ZNF750: variants seen among roughly 807,000 people sequenced by gnomAD.
ZNF750 encodes zinc finger protein 750, also known as protein ZNF750.
Under a neutral mutation model 31.6 loss-of-function variants are expected in ZNF750, and 10 were observed. The ratio of observed to expected loss-of-function variants is 0.32; its 90% confidence interval spans 0.19 to 0.54. The LOEUF (loss-of-function observed/expected upper bound fraction) is 0.54. ZNF750 is among the 20% of genes least tolerant of loss of function. The pLI is 0.95. For synonymous variants in ZNF750, 400 were observed against 404.9 expected (o/e 0.99, Z 0.15); for missense variants, 914 against 934.9 (o/e 0.98, Z 0.29).
rs374742832 is a variant in ZNF750, at chr17:82,832,307, T to C, written c.148A>G (p.Lys50Glu). 2 of 1,614,128 alleles carry C rather than the reference T, an allele frequency of 1.2e-6. No homozygotes were observed. The highest frequency in any genetic ancestry group is 1.7e-6 in the Non-Finnish European group (2 of 1,180,046). The change falls in exon 2 of 3, where the codon AAA becomes GAA. Residue 50 changes from lysine to glutamate, a missense_variant. Around this residue, in one of 2 missense-constraint regions of ZNF750, gnomAD observed 34 missense variants for 66.0 expected, o/e 0.52. Coordinates refer to ENST00000269394, the MANE Select transcript of ZNF750 (RefSeq NM_024702.3). This position sits in a 1 kb window ranked among gnomAD's most constrained non-coding sequence, Gnocchi z 4.9. ...LFNHMKYGLC[K>E]NSITLVSEQD... ...TCTGATACTAAAGTAATCGAGTTTT[T>C]ACAAAGACCATACTTCATGTGATTA...
chr17:82,831,255 C>T lies in ZNF750; in HGVS notation c.1200G>A (p.Met400Ile). Residue 400 changes from methionine (M) to isoleucine (I), a missense_variant, in exon 2 of 3, where the codon ATG becomes ATA. By Grantham distance (10) the Met-to-Ile change is conservative. Around this residue, in one of 2 missense-constraint regions of ZNF750, gnomAD observed 880 missense variants for 868.9 expected, o/e 1.01. Transcript: ENST00000269394. This position sits in a 1 kb window ranked among gnomAD's most constrained non-coding sequence, Gnocchi z 4.6. ...AGQRDTEGSK[M>I]SPRAGSAATG... is the part of the protein sequence containing the mutation. Reference sequence around the variant, plus strand: ...TGGCTGCACTCCCTGCGCGGGGGCTCATTTTGGACCCTTCCGTGTCTCTCT... The same window carrying T: ...TGGCTGCACTCCCTGCGCGGGGGCTTATTTTGGACCCTTCCGTGTCTCTCT... The T allele has an allele frequency of 1.2e-6, 2 of 1,613,896 alleles. No individual in the cohort carries two copies. The highest frequency in any genetic ancestry group is 1.7e-6 in the Non-Finnish European group (2 of 1,180,040).
intron 1 of ZNF750, among the ~76,000 whole-genome samples, chr17:82,836,714 CCAAAAAA>C (rs1555609525): frequency 1.3e-5 from 2 of 151,072 alleles, no homozygotes; most frequent in Non-Finnish European, 3.0e-5. Flanking sequence ...CAAAACAAAA[CCAAAAAA>C]CAAAAAAACA....
chr17:82,830,066 C>A lies in ZNF750; in HGVS notation c.*76G>T, dbSNP rs1335896715. ...TTGTAAAAATGTGAAAGTGCCAGTT[C>A]AGAGGTGTTGTAGCTTGCCACCTTG... On this transcript the variant is annotated 3_prime_UTR_variant, in exon 3 of 3. Transcript: ENST00000269394. 6.3e-7 allele frequency: 1 copy of A among 1,597,542 alleles called. No individual in the cohort carries two copies. The highest frequency in any genetic ancestry group is 1.7e-5 in the Admixed American group (1 of 59,798).
rs987357213 is a variant in ZNF750, at chr17:82,831,472, A to G, written c.983T>C (p.Phe328Ser). The G allele has an allele frequency of 1.2e-6, 2 of 1,613,978 alleles. No homozygotes were observed. Among genetic ancestry groups the G allele is most frequent in the African/African-American group, 2.7e-5 (2 of 74,878 alleles). Residue 328 changes from phenylalanine (F) to serine (S), a missense_variant, in exon 2 of 3, where the codon TTT (phenylalanine) becomes TCT (serine). Physicochemically the swap from Phe to Ser is radical, Grantham distance 155. Transcript: ENST00000269394. This position sits in a 1 kb window ranked among gnomAD's most constrained non-coding sequence, Gnocchi z 4.6. ...TGGGAGTCTGAGACCATAGGAGGAA[A>G]ATGCAGACTCTGGCCTGTAAAATCC... ...PYGFYRPESA[F>S]SSYGLRLPPV...
In ZNF750 at chr17:82,830,003, GT is replaced by G; in HGVS notation, c.*138del. The G allele has an allele frequency of 3.0e-6, 4 of 1,328,062 alleles. No homozygotes were observed. Among genetic ancestry groups the G allele is most frequent in the South Asian group, 1.4e-5 (1 of 71,696 alleles). The allele number at this position is 1,328,062 out of a possible 1,614,324, so 82.3% of individuals were successfully genotyped here. On this transcript the variant is annotated 3_prime_UTR_variant, in exon 3 of 3. Transcript: ENST00000269394. ...AACTGAATTGGAGGGTTTTTTGTTT[GT>G]TTGTTTGTTTGTTTTTTTGAGAAGC...
rs202044757 is a variant in ZNF750 at position 82,831,547 on chromosome 17, T to G, written c.908A>C (p.Asp303Ala). 7.3e-5 allele frequency: 117 copies of G among 1,613,764 alleles called. No individual in the cohort carries two copies. Among genetic ancestry groups the G allele is most frequent in the Non-Finnish European group, 9.1e-5 (107 of 1,179,962 alleles). The change falls in exon 2 of 3, where the codon GAT becomes GCT. Residue 303 changes from aspartate (D) to alanine (A), a missense_variant. By Grantham distance (126) the Asp-to-Ala change is moderately radical. Around this residue, in one of 2 missense-constraint regions of ZNF750, gnomAD observed 880 missense variants for 868.9 expected, o/e 1.01. Coordinates refer to ENST00000269394, the MANE Select transcript of ZNF750 (RefSeq NM_024702.3). The surrounding 1 kb of genome is among the most constrained non-coding windows in gnomAD (Gnocchi z 4.6). ...KHLAPSPATY[D>A]HYRFFQQYPS... ...ATATTGCTGGAAAAACCTGTAGTGA[T>G]CGTATGTGGCTGGAGATGGAGCCAG...
At position 82,835,953 on chromosome 17, in the gene ZNF750, C is replaced by T. The variant is rs569200145; in HGVS notation, c.-182-3317G>A. On this transcript the variant is annotated intron_variant, in intron 1 of 2. Transcript: ENST00000269394. The surrounding 1 kb of genome is among the most constrained non-coding windows in gnomAD (Gnocchi z 4.5). ...GTTACCCTACAACCAGGGAGGGTGT[C>T]GGGTGACACCCTGGGCTCAGACCCC... Among the ~76,000 whole-genome samples the T allele has an allele frequency of 3.9e-5, 6 of 152,298 alleles. No individual in the cohort carries two copies. Among genetic ancestry groups the T allele is most frequent in the African/African-American group, 9.6e-5 (4 of 41,572 alleles).
intron 1 of ZNF750, among the ~76,000 whole-genome samples, chr17:82,836,544 G>A (rs774177439): frequency 1.7e-4 from 26 of 152,106 alleles, no homozygotes; most frequent in Non-Finnish European, 3.5e-4. Flanking sequence ...TTCAGTTTTC[G>A]AAGCCGCATT....
rs372202694 is a variant in ZNF750, at chr17:82,830,471, C to A, written c.1843G>T (p.Gly615Cys). 6.2e-7 allele frequency: 1 copy of A among 1,612,966 alleles called. No homozygotes were observed. The highest frequency in any genetic ancestry group is 1.3e-5 in the African/African-American group (1 of 74,942). Reference protein sequence around the residue: ...DGDGAPPTGPGEEAPDACAVD... With the variant: ...DGDGAPPTGPCEEAPDACAVD... ...GCGCATGCGTCTGGAGCCTCCTCGCCGGGGCCTGTGGGTGGGGCCCCGTCA... is the reference window on the plus strand; with the variant it reads ...GCGCATGCGTCTGGAGCCTCCTCGCAGGGGCCTGTGGGTGGGGCCCCGTCA... Residue 615 changes from glycine to cysteine, a missense_variant, in exon 3 of 3, where the codon GGC (glycine) becomes TGC (cysteine). Physicochemically the swap from Gly to Cys is radical, Grantham distance 159. This residue lies in a region of ZNF750 where 880 missense variants were observed against 868.9 expected (regional missense o/e 1.01). Coordinates refer to ENST00000269394, the MANE Select transcript of ZNF750 (RefSeq NM_024702.3).
rs1447930189 is a variant in ZNF750, at chr17:82,831,537, C to T, written c.918G>A (p.Arg306=). 6.2e-7 allele frequency: 1 copy of T among 1,614,028 alleles called. No individual in the cohort carries two copies. Among genetic ancestry groups the T allele is most frequent in the East Asian group, 2.2e-5 (1 of 44,874 alleles). The part of the protein sequence containing the change: ...APSPATYDHY[R]FFQQYPSNLP... ...GGTTAGAGGGATATTGCTGGAAAAA[C>T]CTGTAGTGATCGTATGTGGCTGGAG... Residue 306 remains arginine, a synonymous_variant, in exon 2 of 3, where the codon AGG becomes AGA. Coordinates refer to ENST00000269394, the MANE Select transcript of ZNF750 (RefSeq NM_024702.3). The surrounding 1 kb of genome is among the most constrained non-coding windows in gnomAD (Gnocchi z 4.6).
chr17:82,836,794 G>A (rs1422384729), intron 1 of ZNF750, among the ~76,000 whole-genome samples: 1 of 152,176 alleles, frequency 6.6e-6, no homozygotes, highest in Non-Finnish European at 1.5e-5. Context: ...GGCAGGTTAC[G>A]TGTAAGCTCT....
intron 1 of ZNF750, among the ~76,000 whole-genome samples, chr17:82,839,303 C>T (rs1235963248): frequency 6.6e-6 from 1 of 152,104 alleles, no homozygotes; most frequent in African/African-American, 2.4e-5. Context: ...GTACTTATAC[C>T]ACACATATAT....
At chr17:82,837,844 C>A (rs1174054000) in intron 1 of ZNF750, among the ~76,000 whole-genome samples, 1 of 152,188 alleles carries the variant, frequency 6.6e-6, no homozygotes, top group Non-Finnish European at 1.5e-5. Context: ...TGGCACAAAG[C>A]CTTCTTTCTC....
chr17:82,836,703 A>ACAAAT (rs2054010958), intron 1 of ZNF750, among the ~76,000 whole-genome samples: 1 of 148,550 alleles, frequency 6.7e-6, no homozygotes, highest in African/African-American at 2.6e-5. Context: ...AAAAAACAAA[A>ACAAAT]CAAAACAAAA....
At chr17:82,838,639 T>C in intron 1 of ZNF750, 1 of 985,446 alleles carries the variant, frequency 1.0e-6, no homozygotes, top group Non-Finnish European at 1.2e-6. Flanking sequence ...TTTACTCCAA[T>C]TGAGCTTTTC....
In ZNF750 at chr17:82,831,319, C is replaced by T. The variant is rs750978958; in HGVS notation, c.1136G>A (p.Ser379Asn). 5 of 1,614,038 alleles carry T rather than the reference C, an allele frequency of 3.1e-6. No individual in the cohort carries two copies. Among genetic ancestry groups the T allele is most frequent in the East Asian group, 2.2e-5 (1 of 44,874 alleles). ...DPNRKHVEFE[S>N]PIPEAKDSSK... ...GGAGTCTTTAGCCTCAGGAATTGGA[C>T]TTTCGAACTCGACGTGTTTTCTGTT... The change falls in exon 2 of 3, where the codon AGT (serine) becomes AAT (asparagine). Residue 379 changes from serine to asparagine, a missense_variant. Physicochemically the swap from Ser to Asn is conservative, Grantham distance 46 (BLOSUM62 1). Coordinates refer to ENST00000269394, the MANE Select transcript of ZNF750 (RefSeq NM_024702.3). The surrounding 1 kb of genome is among the most constrained non-coding windows in gnomAD (Gnocchi z 4.6).
Position 82,832,343 on chromosome 17 carries a change from A to T in ZNF750, c.112T>A (p.Ser38Thr), listed in dbSNP as rs1222686447. The change falls in exon 2 of 3, where the codon TCA becomes ACA. Residue 38 changes from serine (S) to threonine (T), a missense_variant. By Grantham distance (58) the Ser-to-Thr change is moderately conservative (BLOSUM62 1). Transcript: ENST00000269394. The surrounding 1 kb of genome is among the most constrained non-coding windows in gnomAD (Gnocchi z 4.9). ...FQCPFTCNEK[S>T]HLFNHMKYGL... ...TACTTCATGTGATTAAAAAGATGTGACTTCTCATTGCAAGTAAAGGGACAT... is the reference window on the plus strand; with the variant it reads ...TACTTCATGTGATTAAAAAGATGTGTCTTCTCATTGCAAGTAAAGGGACAT... 6.2e-7 allele frequency: 1 copy of T among 1,614,004 alleles called. No homozygotes were observed. The highest frequency in any genetic ancestry group is 1.3e-5 in the African/African-American group (1 of 74,888).
rs182698349 is a variant in ZNF750 at position 82,838,995 on chromosome 17, G to T, written c.-183+932C>A. The T allele has an allele frequency of 3.0e-6, 3 of 984,470 alleles. No individual in the cohort carries two copies. In the East Asian group the frequency reaches 3.4e-4, roughly 112 times the overall value. 61.0% of individuals were successfully genotyped at this position (984,470 alleles called of 1,614,324 possible). On this transcript the variant is annotated intron_variant, in intron 1 of 2. Transcript: ENST00000269394. The stretch of plus-strand genomic sequence containing the variant: ...GTTCTCCTCCAAATCAAGTTTATGA[G>T]AAATTTCATATAAGGAAAAAAACCC...
chr17:82,838,763 A>G, intron 1 of ZNF750: 1 of 985,442 alleles, frequency 1.0e-6, no homozygotes, highest in South Asian at 4.7e-5. Flanking sequence ...ATTTGGAAGA[A>G]TGGATCCAGA....
Sources: gnomAD v4.1 joint callset for allele counts (sites outside exome capture counted in the v4.1 genomes callset) on GRCh38, gnomAD v4.1.1 for gene constraint, gnomAD v4.1.1 regional missense constraint, Gnocchi (gnomAD v3.1) non-coding constraint, MANE v1.5 for transcripts, NCBI Gene and HGNC (gene_info 2026-07-23, HGNC 2026-07-21) for gene names.